GPR21: variants seen among roughly 807,000 people sequenced by gnomAD.
GPR21 encodes G protein-coupled receptor 21.
GPR21 carries 9 observed loss-of-function variants against 21.5 expected under a neutral mutation model. The observed-to-expected ratio is 0.42, with a 90% CI of 0.25 to 0.73. The LOEUF (loss-of-function observed/expected upper bound fraction) is 0.73. GPR21 is among the 30% of genes least tolerant of loss of function. The pLI is 0.27. For missense variants in GPR21, 416 were observed against 428.9 expected (o/e 0.97, Z 0.27); for synonymous variants, 169 against 159.3 (o/e 1.06, Z -0.46).
chr9:123,037,148 G>T (rs1260527118), downstream of GPR21, among the ~76,000 whole-genome samples: 2 of 152,138 alleles, frequency 1.3e-5, no homozygotes, highest in African/African-American at 4.8e-5. Context: ...AAACCCAGGG[G>T]ACATGGGTTA....
Position 123,035,511 on chromosome 9 carries a change from A to G in GPR21, c.945A>G (p.Leu315=). 1 of 1,613,800 alleles carries G rather than the reference A, an allele frequency of 6.2e-7. No homozygotes were observed. Among genetic ancestry groups the G allele is most frequent in the Non-Finnish European group, 8.5e-7 (1 of 1,179,678 alleles). ...SLSNSVFQRG[L]KRLSGAMCTS... ...CCAACAGTGTATTCCAAAGAGGACT[A>G]AAGCGCCTCTCAGGGGCTATGTGTA... Residue 315 remains leucine (L), a synonymous_variant, in exon 2 of 2, where the codon CTA becomes CTG. Coordinates refer to ENST00000616002, the MANE Select transcript of GPR21 (RefSeq NM_005294.3).
chr9:123,041,920 A>T, the GPR21 span, among the ~76,000 whole-genome samples: 5 of 151,892 alleles, frequency 3.3e-5, no homozygotes, highest in African/African-American at 1.2e-4. Flanking sequence ...ATCACCCCTT[A>T]CTCCTCTTCC....
downstream of GPR21, among the ~76,000 whole-genome samples, chr9:123,039,926 T>A (rs2032870502): frequency 6.6e-6 from 1 of 152,184 alleles, no homozygotes; most frequent in South Asian, 2.1e-4. Flanking sequence ...ACACTATTGG[T>A]CATGTATCCA....
chr9:123,033,703 A>G lies in GPR21; in HGVS notation c.-436A>G, dbSNP rs1223844103. On this transcript the variant is annotated 5_prime_UTR_variant, in exon 1 of 2. Coordinates refer to ENST00000616002, the MANE Select transcript of GPR21 (RefSeq NM_005294.3). ...TTGCAAGGCTTTCTGCTAAGGATGTATTGTGGCTTTTGTTTGGATTGCAGC... is the reference window on the plus strand; with the variant it reads ...TTGCAAGGCTTTCTGCTAAGGATGTGTTGTGGCTTTTGTTTGGATTGCAGC... 3.9e-5 allele frequency: 6 copies of G among 152,094 alleles called. 1 individual carries two copies. Among genetic ancestry groups the G allele is most frequent in the African/African-American group, 1.4e-4 (6 of 41,386 alleles). 9.4% of individuals were successfully genotyped at this position (152,094 alleles called of 1,614,324 possible).
downstream of GPR21, chr9:123,035,729 A>G (rs2032618718): frequency 2.9e-6 from 2 of 690,054 alleles, no homozygotes; most frequent in African/African-American, 1.8e-5. Flanking sequence ...TCTGGGACAG[A>G]ATACTTTGAC....
At chr9:123,044,298 T>C in the GPR21 span, among the ~76,000 whole-genome samples, 1 of 152,200 alleles carries the variant, frequency 6.6e-6, no homozygotes, top group African/African-American at 2.4e-5. Context: ...GGCCCAGGTA[T>C]AGAACATTAC....
chr9:123,036,496 A>G (rs550569046), downstream of GPR21, among the ~76,000 whole-genome samples: 4 of 152,356 alleles, frequency 2.6e-5, no homozygotes, highest in African/African-American at 7.2e-5. Context: ...TGGTGACTAT[A>G]TACAAAAATG....
At chr9:123,045,825 A>T in the GPR21 span, among the ~76,000 whole-genome samples, 4 of 152,174 alleles carry the variant, frequency 2.6e-5, no homozygotes, top group African/African-American at 9.7e-5. Context: ...AAATGGGATA[A>T]TACTACCTCA....
chr9:123,044,057 T>C, the GPR21 span, among the ~76,000 whole-genome samples: 4 of 151,886 alleles, frequency 2.6e-5, no homozygotes, highest in Non-Finnish European at 5.9e-5. Flanking sequence ...CCCACCACCA[T>C]GCATGGCTAG....
At chr9:123,045,691 T>C in the GPR21 span, among the ~76,000 whole-genome samples, 1 of 152,266 alleles carries the variant, frequency 6.6e-6, no homozygotes, top group East Asian at 1.9e-4. Context: ...ATAGTAAGGC[T>C]TTTAAAGTTG....
At chr9:123,040,862 G>T in the GPR21 span, among the ~76,000 whole-genome samples, 2 of 152,292 alleles carry the variant, frequency 1.3e-5, no homozygotes, top group Admixed American at 6.5e-5. Context: ...AGGCAGATGA[G>T]TTGGAAAGGA....
the GPR21 span, among the ~76,000 whole-genome samples, chr9:123,042,217 A>G: frequency 2.0e-5 from 3 of 152,240 alleles, no homozygotes; most frequent in African/African-American, 7.2e-5. Flanking sequence ...GAGGGCTCAG[A>G]AACAAAATAG....
At chr9:123,041,950 A>G in the GPR21 span, among the ~76,000 whole-genome samples, 2 of 152,138 alleles carry the variant, frequency 1.3e-5, no homozygotes, top group Admixed American at 1.3e-4. Context: ...CTGAATCCCC[A>G]TCCCACCTGA....
chr9:123,034,589 A>G lies in GPR21; in HGVS notation c.23A>G (p.Asn8Ser), dbSNP rs534805438. 1.2e-6 allele frequency: 2 copies of G among 1,608,040 alleles called. No individual in the cohort carries two copies. Among genetic ancestry groups the G allele is most frequent in the African/African-American group, 2.7e-5 (2 of 74,980 alleles). The change falls in exon 2 of 2, where the codon AAT becomes AGT. Residue 8 changes from asparagine (N) to serine (S), a missense_variant. Asn to Ser is a conservative substitution (Grantham distance 46). Transcript: ENST00000616002. Reference sequence around the variant, plus strand: ...AAGATGAACTCCACCTTGGATGGTAATCAGAGCAGCCACCCTTTTTGCCTC... The same window carrying G: ...AAGATGAACTCCACCTTGGATGGTAGTCAGAGCAGCCACCCTTTTTGCCTC... MNSTLDG[N>S]QSSHPFCLLA... is the part of the protein sequence containing the mutation.
At position 123,034,472 on chromosome 9, in the gene GPR21, A is replaced by G. The variant is rs1002491966; in HGVS notation, c.-95A>G. The G allele has an allele frequency of 2.4e-5, 18 of 764,276 alleles. No individual in the cohort carries two copies. The African/African-American group carries it at 2.4e-4, about 10-fold the overall frequency. The allele number at this position is 764,276 out of a possible 1,614,324, so 47.3% of individuals were successfully genotyped here. ...AGGCTCCTCTGGCATTATTACACACATGCAAAGCTGACCGCAATGACAGCA... is the reference window on the plus strand; with the variant it reads ...AGGCTCCTCTGGCATTATTACACACGTGCAAAGCTGACCGCAATGACAGCA... On this transcript the variant is annotated 5_prime_UTR_variant, in exon 2 of 2. An upstream start codon of the reference 5' UTR is lost. Transcript: ENST00000616002.
At chr9:123,046,936 A>G in the GPR21 span, among the ~76,000 whole-genome samples, 1 of 152,236 alleles carries the variant, frequency 6.6e-6, no homozygotes, top group African/African-American at 2.4e-5. Flanking sequence ...AAACAGGGAA[A>G]GAGAGACCCA....
chr9:123,035,881 T>A (rs1413224234), downstream of GPR21, among the ~76,000 whole-genome samples: 1 of 152,192 alleles, frequency 6.6e-6, no homozygotes, highest in African/African-American at 2.4e-5. Flanking sequence ...GTCTTGGAAA[T>A]GACTACAGTT....
chr9:123,034,766 T>C lies in GPR21; in HGVS notation c.200T>C (p.Phe67Ser). ...TTGAACCATCACACTACAAGTTATTTTATCCAGACTATGGCATATGCTGAC... is the reference window on the plus strand; with the variant it reads ...TTGAACCATCACACTACAAGTTATTCTATCCAGACTATGGCATATGCTGAC... ...PLLNHHTTSY[F>S]IQTMAYADLF... The change falls in exon 2 of 2, where the codon TTT becomes TCT. Residue 67 changes from phenylalanine to serine, a missense_variant. Phe to Ser is a radical substitution (Grantham distance 155, BLOSUM62 -2). Coordinates refer to ENST00000616002, the MANE Select transcript of GPR21 (RefSeq NM_005294.3). 6.2e-7 allele frequency: 1 copy of C among 1,613,972 alleles called. No individual in the cohort carries two copies. Among genetic ancestry groups the C allele is most frequent in the African/African-American group, 1.3e-5 (1 of 75,064 alleles).
At chr9:123,046,975 A>C in the GPR21 span, among the ~76,000 whole-genome samples, 2 of 152,222 alleles carry the variant, frequency 1.3e-5, no homozygotes, top group African/African-American at 4.8e-5. Context: ...TTATTTGCAG[A>C]ACTAGGACTA....
Sources: gnomAD v4.1 joint callset for allele counts (sites outside exome capture counted in the v4.1 genomes callset) on GRCh38, gnomAD v4.1.1 for gene constraint, MANE v1.5 for transcripts, NCBI Gene and HGNC (gene_info 2026-07-23, HGNC 2026-07-21) for gene names.